The following LCOR variants were observed in gnomAD, a reference collection of about 807,000 sequenced individuals.
The protein encoded by LCOR is ligand-dependent corepressor.
LCOR carries 14 observed loss-of-function variants against 64.4 expected under a neutral mutation model. That is an observed-to-expected ratio of 0.22 (90% CI 0.14 to 0.34). The LOEUF (loss-of-function observed/expected upper bound fraction) is 0.34, where lower values mean the gene tolerates loss of function less well. LCOR is among the 10% of genes least tolerant of loss of function. The pLI is 1.00. For synonymous variants in LCOR, 643 were observed against 642.5 expected (o/e 1.00, Z -0.01); for missense variants, 1,686 against 1,765.3 (o/e 0.96, Z 0.80).
At chr10:96,922,666 G>T (rs1290952671) in intron 4 of LCOR, among the ~76,000 whole-genome samples, 2 of 152,188 alleles carry the variant, frequency 1.3e-5, no homozygotes, top group Admixed American at 1.3e-4. Context: ...GCTTGCTATT[G>T]TCTGTGGGGG....
At chr10:96,887,451 T>C (rs1846363037) in intron 2 of LCOR, among the ~76,000 whole-genome samples, 1 of 151,446 alleles carries the variant, frequency 6.6e-6, no homozygotes, top group Admixed American at 6.6e-5. Flanking sequence ...TAGTCCCAGC[T>C]ACTTGGGAGG....
At chr10:96,967,888 C>G (rs11188978) in intron 7 of LCOR, among the ~76,000 whole-genome samples, 21,428 of 152,006 alleles carry the variant, frequency 0.14, 2,089 homozygotes, top group African/African-American at 0.27. Flanking sequence ...TATTAGAGCA[C>G]TAAGGGTCTT....
rs750759108 is a variant in LCOR, at chr10:96,836,003, C to T, written c.-330+2524C>T. ...TGATATGATGTAACCTTTTGCTTTC[C>T]TGCACCTTGCCCTTGCTGTATTTTC... On this transcript the variant is annotated intron_variant, in intron 2 of 7. Transcript: ENST00000421806. 3.0e-4 allele frequency among the ~76,000 whole-genome samples: 45 copies of T among 152,184 alleles called. 1 individual carries two copies. The highest frequency in any genetic ancestry group is 1.3e-4 in the Admixed American group (2 of 15,268).
chr10:96,966,869 G>A (rs1031778002), intron 7 of LCOR, among the ~76,000 whole-genome samples: 1 of 152,176 alleles, frequency 6.6e-6, no homozygotes, highest in Non-Finnish European at 1.5e-5. Flanking sequence ...CTGAGTAGCT[G>A]GAACTGCAGG....
chr10:96,936,828 A>C (rs1362423955), intron 4 of LCOR, among the ~76,000 whole-genome samples: 1 of 152,196 alleles, frequency 6.6e-6, no homozygotes, highest in East Asian at 1.9e-4. Context: ...AACTCTATAT[A>C]TACTATGTTT....
intron 7 of LCOR, among the ~76,000 whole-genome samples, chr10:96,980,578 G>A (rs1848075296): frequency 6.6e-6 from 1 of 152,104 alleles, no homozygotes; most frequent in Non-Finnish European, 1.5e-5. Context: ...CAGGCAAGGT[G>A]GCTTACACCT....
At chr10:96,860,494 G>GA (rs891679513) in intron 2 of LCOR, among the ~76,000 whole-genome samples, 108 of 152,318 alleles carry the variant, frequency 7.1e-4, no homozygotes, top group Admixed American at 3.6e-3. Flanking sequence ...AGAGCCTTTG[G>GA]AGGGAGCATG....
At chr10:96,847,788 CTT>C (rs1389122835) in intron 2 of LCOR, among the ~76,000 whole-genome samples, 1 of 152,164 alleles carries the variant, frequency 6.6e-6, no homozygotes, top group Non-Finnish European at 1.5e-5. Flanking sequence ...TACCTACAAA[CTT>C]TGATCTTTTA....
chr10:96,902,826 G>A (rs907280886), intron 2 of LCOR, among the ~76,000 whole-genome samples: 2 of 152,128 alleles, frequency 1.3e-5, no homozygotes, highest in Non-Finnish European at 2.9e-5. Context: ...ATATAATACA[G>A]TCATGTGTTG....
intron 4 of LCOR, among the ~76,000 whole-genome samples, chr10:96,932,601 C>CT (rs1197561154): frequency 6.6e-6 from 1 of 152,026 alleles, no homozygotes; most frequent in East Asian, 1.9e-4. Context: ...GTAGCTGGGA[C>CT]TACAGGCGCA....
chr10:96,993,618 C>G lies in LCOR; in HGVS notation c.*8484C>G, dbSNP rs1046813164. 1.3e-5 allele frequency: 2 copies of G among 151,944 alleles called. No homozygotes were observed. Among genetic ancestry groups the G allele is most frequent in the African/African-American group, 4.8e-5 (2 of 41,374 alleles). 9.4% of individuals were successfully genotyped at this position (151,944 alleles called of 1,614,324 possible). ...ATATTTTGAGCAGTGGACTTCCTTTCATAACACAGTTCACACATGGAGAAA... is the reference window on the plus strand; with the variant it reads ...ATATTTTGAGCAGTGGACTTCCTTTGATAACACAGTTCACACATGGAGAAA... On this transcript the variant is annotated 3_prime_UTR_variant, in exon 8 of 8. Transcript: ENST00000421806.
chr10:96,964,641 G>A (rs193191584), intron 7 of LCOR, among the ~76,000 whole-genome samples: 15 of 152,094 alleles, frequency 9.9e-5, no homozygotes, highest in South Asian at 2.1e-4. Context: ...GCAATATTGC[G>A]TTGTAAACTC....
At chr10:96,884,649 G>GA (rs1846313522) in intron 2 of LCOR, among the ~76,000 whole-genome samples, 1 of 152,190 alleles carries the variant, frequency 6.6e-6, no homozygotes, top group Non-Finnish European at 1.5e-5. Context: ...GATTAGGTCT[G>GA]GGTTGAGGTA....
intron 4 of LCOR, among the ~76,000 whole-genome samples, chr10:96,933,802 G>A (rs561019785): frequency 6.6e-6 from 1 of 152,308 alleles, no homozygotes; most frequent in African/African-American, 2.4e-5. Context: ...ACAGGCATGA[G>A]TCACCGTGCC....
chr10:96,967,649 ACT>A (rs1282784374), intron 7 of LCOR, among the ~76,000 whole-genome samples: 8 of 152,194 alleles, frequency 5.3e-5, no homozygotes, highest in African/African-American at 1.7e-4. Flanking sequence ...TACAGTAGAA[ACT>A]CTTTATTGAA....
At chr10:96,832,872 AC>A in intron 1 of LCOR, 3 of 515,094 alleles carry the variant, frequency 5.8e-6, no homozygotes, top group Non-Finnish European at 5.0e-6. Context: ...CTCCTGCGCC[AC>A]CCCTCCCCCA....
chr10:96,979,599 C>G lies in LCOR; in HGVS notation c.333-1194C>G, dbSNP rs963271854. On this transcript the variant is annotated intron_variant, in intron 7 of 7. Transcript: ENST00000421806. ...ATTGTAAAAGGTGTATTGAAGATCT[C>G]GGAGAATGTAGCAAGTGGGCCTTGA... 3.9e-5 allele frequency among the ~76,000 whole-genome samples: 6 copies of G among 152,260 alleles called. 1 individual carries two copies. The South Asian group carries it at 1.2e-3, about 32-fold the overall frequency.
intron 4 of LCOR, among the ~76,000 whole-genome samples, chr10:96,911,089 T>C (rs1050896276): frequency 6.8e-6 from 1 of 146,518 alleles, no homozygotes; most frequent in Non-Finnish European, 1.5e-5. Flanking sequence ...TTTTTACATG[T>C]TCCCTTTTTT....
intron 4 of LCOR, among the ~76,000 whole-genome samples, chr10:96,919,708 A>G (rs1753249357): frequency 6.6e-6 from 1 of 152,108 alleles, no homozygotes; most frequent in Admixed American, 6.5e-5. Flanking sequence ...TTTTTGTCTC[A>G]ATGAGTTTGC....
Sources: allele counts gnomAD v4.1 joint callset (sites outside exome capture counted in the v4.1 genomes callset), GRCh38; gene constraint gnomAD v4.1.1; transcripts MANE v1.5; gene names NCBI Gene and HGNC (gene_info 2026-07-23, HGNC 2026-07-21).